Variants in MTUS2 observed in about 807,000 individuals in gnomAD.
MTUS2 encodes microtubule associated scaffold protein 2.
In MTUS2, 40 loss-of-function variants were observed where a neutral mutation model predicts 114.1. The ratio of observed to expected loss-of-function variants is 0.35; its 90% CI spans 0.27 to 0.46. The LOEUF (loss-of-function observed/expected upper bound fraction) is 0.46, where lower values mean the gene tolerates loss of function less well. Ranked by LOEUF, MTUS2 falls within the 20% of genes least tolerant of loss-of-function variation. The probability of loss-of-function intolerance (pLI) is 1.00; values close to 1 mark genes in which losing one functional copy is unlikely to be tolerated. For missense variants in MTUS2, 1,679 were observed against 1,705.4 expected (o/e 0.98, Z 0.27); for synonymous variants, 688 against 672.0 (o/e 1.02, Z -0.37).
At chr13:29,376,395 A>G (rs892459766) in intron 8 of MTUS2, among the ~76,000 whole-genome samples, 3 of 152,138 alleles carry the variant, frequency 2.0e-5, no homozygotes, top group African/African-American at 7.2e-5. Context: ...CAGACCAACA[A>G]CTAAAACGTT....
chr13:28,913,864 A>G (rs1216407702), intron 2 of MTUS2, among the ~76,000 whole-genome samples: 1 of 151,884 alleles, frequency 6.6e-6, no homozygotes, highest in African/African-American at 2.4e-5. Flanking sequence ...TGTGTCTAGA[A>G]ATTTATCCAT....
intron 2 of MTUS2, among the ~76,000 whole-genome samples, chr13:28,973,273 A>G (rs547372929): frequency 1.3e-5 from 2 of 152,330 alleles, no homozygotes; most frequent in African/African-American, 4.8e-5. Context: ...CACTTCTGAC[A>G]GGTAACTCCA....
intron 4 of MTUS2, among the ~76,000 whole-genome samples, chr13:29,058,111 GC>G (rs1227861090): frequency 1.3e-5 from 2 of 151,872 alleles, no homozygotes; most frequent in South Asian, 2.1e-4. Context: ...TTGAATATAG[GC>G]CCCCAGTCTC....
At chr13:29,440,083 A>G in intron 9 of MTUS2, 34 bp downstream of exon 9, 2 of 1,553,472 alleles carry the variant, frequency 1.3e-6, no homozygotes, top group African/African-American at 2.7e-5. Context: ...GAGCATAAAG[A>G]ATGTCTTTTC....
intron 2 of MTUS2, among the ~76,000 whole-genome samples, chr13:28,860,780 G>A (rs1049007016): frequency 2.6e-5 from 4 of 152,110 alleles, no homozygotes; most frequent in East Asian, 3.9e-4. Flanking sequence ...CTCCTGTCAC[G>A]CTCAGTTTTT....
intron 5 of MTUS2, among the ~76,000 whole-genome samples, chr13:29,196,700 A>C (rs930013459): frequency 2.9e-4 from 44 of 152,120 alleles, no homozygotes; most frequent in African/African-American, 1.0e-3. Context: ...TGGAACATAC[A>C]GTATTTGTTT....
chr13:29,280,711 C>T (rs1199064504), intron 5 of MTUS2, among the ~76,000 whole-genome samples: 1 of 152,164 alleles, frequency 6.6e-6, no homozygotes, highest in East Asian at 1.9e-4. Context: ...TGGTCATATT[C>T]CTACCACTGG....
At chr13:29,088,117 C>T in intron 4 of MTUS2, among the ~76,000 whole-genome samples, 1 of 151,180 alleles carries the variant, frequency 6.6e-6, no homozygotes, top group African/African-American at 2.4e-5. Context: ...GTGTTTAGTC[C>T]TATAAACTTT....
At chr13:29,092,383 C>T (rs996925206) in intron 4 of MTUS2, among the ~76,000 whole-genome samples, 5 of 152,168 alleles carry the variant, frequency 3.3e-5, no homozygotes, top group African/African-American at 1.2e-4. Flanking sequence ...CCATTCTAAG[C>T]CCATACAAGT....
intron 4 of MTUS2, among the ~76,000 whole-genome samples, chr13:29,069,935 T>C (rs1363315668): frequency 4.6e-5 from 7 of 152,210 alleles, no homozygotes; most frequent in Non-Finnish European, 1.5e-5. Flanking sequence ...AGCACAAAGC[T>C]TTCTTCTGGA....
intron 1 of MTUS2, among the ~76,000 whole-genome samples, chr13:28,837,718 T>G (rs1397555595): frequency 6.6e-6 from 1 of 152,246 alleles, no homozygotes; most frequent in Non-Finnish European, 1.5e-5. Context: ...TATTTGCAGC[T>G]CTTTATCTAT....
At chr13:29,100,427 G>C (rs1890361821) in intron 4 of MTUS2, among the ~76,000 whole-genome samples, 1 of 152,184 alleles carries the variant, frequency 6.6e-6, no homozygotes, top group African/African-American at 2.4e-5. Context: ...GGGGTAACAT[G>C]CAACAATAAC....
chr13:29,296,602 C>T (rs988380371), intron 6 of MTUS2, among the ~76,000 whole-genome samples: 7 of 152,110 alleles, frequency 4.6e-5, no homozygotes, highest in African/African-American at 1.4e-4. Context: ...TATGTTCTCA[C>T]CAATGTTTGT....
intron 8 of MTUS2, among the ~76,000 whole-genome samples, chr13:29,421,536 G>T (rs774132164): frequency 1.3e-5 from 2 of 152,174 alleles, no homozygotes; most frequent in Non-Finnish European, 2.9e-5. Context: ...GCCACCTTCG[G>T]CTTTGACTCC....
chr13:29,412,084 A>G (rs1479112382), intron 8 of MTUS2, among the ~76,000 whole-genome samples: 2 of 152,086 alleles, frequency 1.3e-5, no homozygotes, highest in African/African-American at 4.8e-5. Context: ...TCTCTTTTCT[A>G]ATTACATTGG....
In MTUS2 at chr13:29,293,258, CAACTT is replaced by C. The variant is rs1273224773; in HGVS notation, c.2806+11396_2806+11400del. On this transcript the variant is annotated intron_variant, in intron 6 of 15. Transcript: ENST00000612955. ...ACCCCTGAAAATCATAAGCAAAAAA[CAACTT>C]AATTTGAAAAACAGGTAAAGATATG... Among the ~76,000 whole-genome samples, 6 of 151,942 alleles carry C rather than the reference CAACTT, an allele frequency of 3.9e-5. No individual in the cohort carries two copies. In the East Asian group the frequency reaches 1.2e-3, roughly 29 times the overall value.
At chr13:29,302,948 G>A (rs1383163156) in intron 6 of MTUS2, among the ~76,000 whole-genome samples, 2 of 152,206 alleles carry the variant, frequency 1.3e-5, no homozygotes, top group African/African-American at 4.8e-5. Flanking sequence ...CCAGAGGAAG[G>A]AGCTGGCTGC....
intron 3 of MTUS2, among the ~76,000 whole-genome samples, chr13:29,027,709 G>A (rs1383022074): frequency 6.6e-6 from 1 of 152,074 alleles, no homozygotes; most frequent in African/African-American, 2.4e-5. Context: ...CCGCCACCGC[G>A]CCTGGCTACT....
chr13:29,503,204 T>G lies in MTUS2; in HGVS notation c.4108T>G (p.Ter1370GlyextTer36). Residue 1370 changes from the stop codon to glycine, a stop_lost, in exon 16 of 16, where the codon TGA (stop) becomes GGA (glycine). Coordinates refer to ENST00000612955, the MANE Select transcript of MTUS2 (RefSeq NM_001033602.4). ...SPARVSTTPR[*>G] Reference sequence around the variant, plus strand: ...GGCCAGAGTCAGCACAACACCCAGATGACGCCACTACACGGCCTGCGGGAG... The same window carrying G: ...GGCCAGAGTCAGCACAACACCCAGAGGACGCCACTACACGGCCTGCGGGAG... The G allele has an allele frequency of 6.2e-7, 1 of 1,613,700 alleles. No homozygotes were observed. Among genetic ancestry groups the G allele is most frequent in the Non-Finnish European group, 8.5e-7 (1 of 1,180,022 alleles).
Sources: allele counts gnomAD v4.1 joint callset (sites outside exome capture counted in the v4.1 genomes callset), GRCh38; gene constraint gnomAD v4.1.1; transcripts MANE v1.5; gene names NCBI Gene and HGNC (gene_info 2026-07-23, HGNC 2026-07-21).